SPTAN1: variants seen among roughly 807,000 people sequenced by gnomAD.
The protein encoded by SPTAN1 is spectrin alpha chain, non-erythrocytic 1.
SPTAN1 carries 61 observed loss-of-function variants against 331.3 expected under a neutral mutation model. The ratio of observed to expected loss-of-function variants is 0.18; its 90% confidence interval spans 0.15 to 0.23. The LOEUF is 0.23. SPTAN1 is among the 10% of genes least tolerant of loss of function. The pLI, the probability that SPTAN1 is intolerant of heterozygous loss-of-function variation, is 1.00. For synonymous variants in SPTAN1, 1,153 were observed against 1,173.9 expected, an observed-to-expected ratio of 0.98 and a Z score of 0.36; for missense variants, 2,043 against 3,147.9, an observed-to-expected ratio of 0.65 and a Z score of 8.40.
At position 128,626,620 on chromosome 9, in the gene SPTAN1, A is replaced by G. The variant is rs772576047; in HGVS notation, c.6509A>G (p.Asn2170Ser). ...RQIKSFRVAS[N>S]PYTWFTMEAL... ...ATCAAGAGCTTCCGCGTAGCCTCCA[A>G]CCCCTACACCTGGTTTACCATGGAG... is the stretch of plus-strand genomic sequence containing the variant. The change falls in exon 49 of 57, where the codon AAC becomes AGC. Residue 2170 changes from asparagine to serine, a missense_variant. This residue lies in a region of SPTAN1 where 256 missense variants were observed against 376.4 expected (regional missense o/e 0.68). Transcript: ENST00000372739. The G allele has an allele frequency of 1.2e-6, 2 of 1,613,580 alleles. No individual in the cohort carries two copies. The highest frequency in any genetic ancestry group is 1.7e-6 in the Non-Finnish European group (2 of 1,179,852).
At chr9:128,616,797 T>G (rs1006304084) in intron 41 of SPTAN1, among the ~76,000 whole-genome samples, 8 of 152,102 alleles carry the variant, frequency 5.3e-5, no homozygotes, top group Non-Finnish European at 8.8e-5. Context: ...CTGGGCATGG[T>G]GGCACGTGCC....
chr9:128,579,761 T>C, intron 10 of SPTAN1, 23 bp downstream of exon 10: 2 of 1,584,300 alleles, frequency 1.3e-6, no homozygotes, highest in Non-Finnish European at 1.7e-6. Flanking sequence ...AAATGGAGCT[T>C]TTGAGGAGCA....
chr9:128,615,447 T>TA lies in SPTAN1; in HGVS notation c.5149-179dup, dbSNP rs1564292662. Among the ~76,000 whole-genome samples the TA allele has an allele frequency of 3.3e-5, 5 of 152,134 alleles. No individual in the cohort carries two copies. In the South Asian group the frequency reaches 1.0e-3, roughly 31 times the overall value. On this transcript the variant is annotated intron_variant, in intron 40 of 56. Transcript: ENST00000372739. ...ACTATCAGTGCAAATGTCCACACGG[T>TA]AAAAAATAATAATGTCTTATAATGT...
intron 41 of SPTAN1, among the ~76,000 whole-genome samples, chr9:128,616,868 A>G (rs10819423): frequency 0.22 from 32,948 of 151,586 alleles, 5,113 homozygotes; most frequent in East Asian, 0.48. Flanking sequence ...GGAAGTGGAG[A>G]TTTCAGTGAG....
At chr9:128,580,791 C>T in intron 10 of SPTAN1, 131 bp from the exon 11 acceptor site, 1 of 1,277,548 alleles carries the variant, frequency 7.8e-7, no homozygotes, top group Non-Finnish European at 1.1e-6. Flanking sequence ...GTTGTTTTTC[C>T]CCTTTTGCAA....
At chr9:128,561,234 G>A (rs926684284) in intron 1 of SPTAN1, among the ~76,000 whole-genome samples, 1 of 151,556 alleles carries the variant, frequency 6.6e-6, no homozygotes, top group Non-Finnish European at 1.5e-5. Flanking sequence ...TTAGCTGGGC[G>A]TGGTGGTTTG....
In SPTAN1 at chr9:128,627,283, G is replaced by T; in HGVS notation, c.6577-103G>T. 9.9e-7 allele frequency: 1 copy of T among 1,006,946 alleles called. No individual in the cohort carries two copies. The highest frequency in any genetic ancestry group is 1.5e-6 in the Non-Finnish European group (1 of 664,938). 62.4% of individuals were successfully genotyped at this position (1,006,946 alleles called of 1,614,324 possible). On this transcript the variant is annotated intron_variant, in intron 49 of 56. Transcript: ENST00000372739. This position sits in a 1 kb window ranked among gnomAD's most constrained non-coding sequence, Gnocchi z 4.9. ...GCCTCCTCCTCTCATCTTTGGGGAG[G>T]TTCCTTGTGGGGAGGCCACCACCAC... is the stretch of plus-strand genomic sequence containing the variant.
At chr9:128,568,926 G>A (rs1033816417) in intron 3 of SPTAN1, 29 bp downstream of exon 3, 3 of 1,613,352 alleles carry the variant, frequency 1.9e-6, no homozygotes, top group African/African-American at 2.7e-5. Context: ...TGGAGTGGAT[G>A]GCTTCATCTG....
intron 24 of SPTAN1, 51 bp from the exon 25 acceptor site, chr9:128,598,349 G>T: frequency 2.9e-6 from 4 of 1,384,812 alleles, no homozygotes; most frequent in South Asian, 2.4e-5. Flanking sequence ...TGTCTCCTTT[G>T]ACTTTGGCTT....
rs193116500 is a variant in SPTAN1, at chr9:128,611,579, C to G, written c.4774-135C>G. ...AATATTTCATACAAACTCCAATTGC[C>G]TTCTGTTAAAAACGTTGGCATTTAC... On this transcript the variant is annotated intron_variant, in intron 37 of 56. Coordinates refer to ENST00000372739, the MANE Select transcript of SPTAN1 (RefSeq NM_001130438.3). 4.7e-4 allele frequency: 467 copies of G among 984,080 alleles called. 6 individuals carry two copies. Among genetic ancestry groups the G allele is most frequent in the South Asian group, 2.0e-3 (145 of 72,368 alleles). 61.0% of individuals were successfully genotyped at this position (984,080 alleles called of 1,614,324 possible).
chr9:128,631,924 C>CA (rs1421760151), intron 52 of SPTAN1: 1 of 608,894 alleles, frequency 1.6e-6, no homozygotes, highest in Non-Finnish European at 2.9e-6. Context: ...TTGGAACCCT[C>CA]ACATTGAAAG....
At position 128,624,402 on chromosome 9, in the gene SPTAN1, T is replaced by C. The variant is rs768986492; in HGVS notation, c.5907T>C (p.Ala1969=). The change falls in exon 46 of 57, where the codon GCT becomes GCC. Residue 1969 remains alanine, a synonymous_variant. Coordinates refer to ENST00000372739, the MANE Select transcript of SPTAN1 (RefSeq NM_001130438.3). ...GGAAAGTGTCAGACCTGGAGAAAGCTGCAGCCCAGAGAAAGGCGAAGCTGG... is the reference window on the plus strand; with the variant it reads ...GGAAAGTGTCAGACCTGGAGAAAGCCGCAGCCCAGAGAAAGGCGAAGCTGG... ...LNGKVSDLEK[A]AAQRKAKLDE... The C allele has an allele frequency of 4.1e-5, 66 of 1,613,932 alleles. 1 individual carries two copies. Among genetic ancestry groups the C allele is most frequent in the Middle Eastern group, 3.3e-4 (2 of 6,078 alleles).
At chr9:128,626,239 G>A in intron 48 of SPTAN1, 152 bp from the exon 49 acceptor site, 2 of 1,072,694 alleles carry the variant, frequency 1.9e-6, no homozygotes, top group South Asian at 1.3e-5. Context: ...AGACTTGAAG[G>A]GGGAGCAGGA....
chr9:128,599,080 T>C, intron 26 of SPTAN1, 94 bp downstream of exon 26: 1 of 1,256,164 alleles, frequency 8.0e-7, no homozygotes, highest in Non-Finnish European at 1.2e-6. Context: ...TCAGAATTGC[T>C]GTTCCTGAAC....
chr9:128,628,410 A>G (rs1458803023), intron 51 of SPTAN1: 1 of 348,144 alleles, frequency 2.9e-6, no homozygotes, highest in African/African-American at 2.1e-5. Context: ...GGGCACTGAC[A>G]CCCCCTAAGT....
Position 128,591,560 on chromosome 9 carries a change from C to G in SPTAN1, c.3090C>G (p.Ala1030=). The part of the protein sequence containing the change: ...YVKKLDPAQS[A]SRENLLEEQG... The stretch of plus-strand genomic sequence containing the variant: ...AGAAATTGGACCCCGCCCAGTCAGC[C>G]TCCCGGGAGAATCTCCTGGAGGAGC... The change falls in exon 22 of 57, where the codon GCC becomes GCG. Residue 1030 remains alanine (A), a synonymous_variant. Coordinates refer to ENST00000372739, the MANE Select transcript of SPTAN1 (RefSeq NM_001130438.3). 6.2e-7 allele frequency: 1 copy of G among 1,614,196 alleles called. No homozygotes were observed. The highest frequency in any genetic ancestry group is 8.5e-7 in the Non-Finnish European group (1 of 1,180,034).
intron 25 of SPTAN1, 40 bp from the exon 26 acceptor site, chr9:128,598,923 T>C: frequency 1.9e-6 from 3 of 1,596,322 alleles, no homozygotes; most frequent in Non-Finnish European, 2.6e-6. Flanking sequence ...AGATGTGTAT[T>C]TCTTCTAATA....
At chr9:128,619,850 C>G (rs1857622986) in intron 44 of SPTAN1, among the ~76,000 whole-genome samples, 1 of 152,230 alleles carries the variant, frequency 6.6e-6, no homozygotes, top group Admixed American at 6.5e-5. Context: ...TTCTTACTTC[C>G]AATGGATCTG....
chr9:128,627,551 C>A lies in SPTAN1; in HGVS notation c.6689+53C>A. The A allele has an allele frequency of 6.8e-7, 1 of 1,476,002 alleles. No homozygotes were observed. The highest frequency in any genetic ancestry group is 9.3e-7 in the Non-Finnish European group (1 of 1,078,854). 91.4% of individuals were successfully genotyped at this position (1,476,002 alleles called of 1,614,324 possible). On this transcript the variant is annotated intron_variant, in intron 50 of 56. Transcript: ENST00000372739. This position sits in a 1 kb window ranked among gnomAD's most constrained non-coding sequence, Gnocchi z 4.9. ...GCAGCATGTCCCTGCTGTACTTAAG[C>A]CCTGGGGAGCTTCCAGCCCCAAGGA...
Sources: allele counts gnomAD v4.1 joint callset (sites outside exome capture counted in the v4.1 genomes callset), GRCh38; gene constraint gnomAD v4.1.1; regional missense constraint gnomAD v4.1.1; non-coding constraint Gnocchi (gnomAD v3.1); transcripts MANE v1.5; gene names NCBI Gene and HGNC (gene_info 2026-07-23, HGNC 2026-07-21).